The following SLC27A4 variants were observed in gnomAD, a reference collection of about 807,000 sequenced individuals.
The protein encoded by SLC27A4 is long-chain fatty acid transport protein 4.
SLC27A4 carries 33 observed loss-of-function variants against 64.4 expected under a neutral mutation model. The ratio of observed to expected loss-of-function variants is 0.51; its 90% CI spans 0.39 to 0.68. SLC27A4 has a LOEUF of 0.68. Ranked by LOEUF, SLC27A4 falls within the 30% of genes least tolerant of loss-of-function variation. The pLI, the probability that SLC27A4 is intolerant of heterozygous loss-of-function variation, is 0.00. For synonymous variants in SLC27A4, 377 were observed against 370.0 expected, an observed-to-expected ratio of 1.02 and a Z score of -0.22; for missense variants, 824 against 883.5, an observed-to-expected ratio of 0.93 and a Z score of 0.85.
At chr9:128,341,010 C>T (rs927348008) in intron 1 of SLC27A4, among the ~76,000 whole-genome samples, 172 bp downstream of exon 1, 1 of 152,254 alleles carries the variant, frequency 6.6e-6, no homozygotes, top group African/African-American at 2.4e-5. Flanking sequence ...TGACCCGGGA[C>T]AGGGGCCCGA....
intron 4 of SLC27A4, 125 bp downstream of exon 4, chr9:128,348,828 C>G: frequency 1.0e-6 from 1 of 969,434 alleles, no homozygotes. Flanking sequence ...ACGTCACCTC[C>G]CTTTTTCCAT....
In SLC27A4 at chr9:128,355,131, CCAA is replaced by C. The variant is rs775182777; in HGVS notation, c.1410_1412del (p.Asn470del). On this transcript the variant is annotated inframe_deletion, in exon 10 of 13. Transcript: ENST00000300456. ...TTCGATGGCTACCTCAACCAGGGCGCCAACAACAAGAAGATTGCCAAGGATGTC... is the reference window on the plus strand; with the variant it reads ...TTCGATGGCTACCTCAACCAGGGCGCCAACAAGAAGATTGCCAAGGATGTC... 110 of 1,613,544 alleles carry C rather than the reference CCAA, an allele frequency of 6.8e-5. No individual in the cohort carries two copies. The Admixed American group carries it at 1.8e-3, about 26-fold the overall frequency.
chr9:128,354,797 A>T (rs973027768), intron 9 of SLC27A4, among the ~76,000 whole-genome samples: 1 of 151,536 alleles, frequency 6.6e-6, no homozygotes, highest in African/African-American at 2.4e-5. Flanking sequence ...AAAATAAAAA[A>T]AAAAAATTAG....
Position 128,340,752 on chromosome 9 carries a change from AG to A in SLC27A4, c.-89del. On this transcript the variant is annotated 5_prime_UTR_variant, in exon 1 of 13. Transcript: ENST00000300456. ...TGCTGAGACCCGGCTCCGTGCGTCCAGGGGCGGCTAATGCCCCTCACGCTGT... is the reference window on the plus strand; with the variant it reads ...TGCTGAGACCCGGCTCCGTGCGTCCAGGGCGGCTAATGCCCCTCACGCTGT... The A allele has an allele frequency of 6.0e-6, 4 of 661,534 alleles. No homozygotes were observed. The highest frequency in any genetic ancestry group is 8.4e-6 in the Non-Finnish European group (3 of 359,206). 41.0% of individuals were successfully genotyped at this position (661,534 alleles called of 1,614,324 possible). A position where few individuals can be genotyped will look rare whatever the true frequency, so the allele number is the denominator to read the frequency against.
Position 128,344,799 on chromosome 9 carries a change from G to A in SLC27A4, c.162-356G>A, listed in dbSNP as rs557950664. Among the ~76,000 whole-genome samples the A allele has an allele frequency of 1.3e-3, 194 of 152,264 alleles. 1 individual carries two copies. The highest frequency in any genetic ancestry group is 6.8e-3 in the Middle Eastern group (2 of 294). ...TACAGGAAGCTCTGGAGACCTAGGA[G>A]GTTTCTGCTGGAGCAGCAGGCTGAG... On this transcript the variant is annotated intron_variant, in intron 2 of 12. Coordinates refer to ENST00000300456, the MANE Select transcript of SLC27A4 (RefSeq NM_005094.4).
intron 12 of SLC27A4, among the ~76,000 whole-genome samples, chr9:128,357,806 A>T (rs1158321837): frequency 6.6e-6 from 1 of 152,104 alleles, no homozygotes; most frequent in African/African-American, 2.4e-5. Flanking sequence ...CGTTGTCGTC[A>T]TATCAGTCCT....
At chr9:128,341,940 T>C (rs1832578744) in intron 1 of SLC27A4, among the ~76,000 whole-genome samples, 1 of 152,148 alleles carries the variant, frequency 6.6e-6, no homozygotes, top group African/African-American at 2.4e-5. Context: ...GGTTTCACCA[T>C]CTTGGTCAGG....
Position 128,353,779 on chromosome 9 carries a change from T to C in SLC27A4, c.1324+238T>C, listed in dbSNP as rs1832776000. Among the ~76,000 whole-genome samples the C allele has an allele frequency of 6.6e-6, 1 of 150,562 alleles. No homozygotes were observed. Among genetic ancestry groups the C allele is most frequent in the Non-Finnish European group, 1.5e-5 (1 of 67,892 alleles). ...TTTTATTTGAGACGGAGTCTCGCTCTGTCGCCCAGGCTGGAGTGCAGTGGC... is the reference window on the plus strand; with the variant it reads ...TTTTATTTGAGACGGAGTCTCGCTCCGTCGCCCAGGCTGGAGTGCAGTGGC... On this transcript the variant is annotated intron_variant, in intron 9 of 12. Transcript: ENST00000300456. The surrounding 1 kb of genome is among the most constrained non-coding windows in gnomAD (Gnocchi z 4.9).
intron 12 of SLC27A4, among the ~76,000 whole-genome samples, chr9:128,357,177 A>C (rs1832832425): frequency 1.3e-5 from 2 of 148,718 alleles, no homozygotes; most frequent in African/African-American, 5.0e-5. Context: ...CATGAGAAGC[A>C]CTTGAACCTG....
intron 12 of SLC27A4, among the ~76,000 whole-genome samples, chr9:128,358,840 G>A (rs1475185214): frequency 6.6e-6 from 1 of 152,184 alleles, no homozygotes; most frequent in Non-Finnish European, 1.5e-5. Context: ...TCTGCTCCAC[G>A]TGGCCTCTCA....
At position 128,355,667 on chromosome 9, in the gene SLC27A4, G is replaced by A. The variant is rs1832809026; in HGVS notation, c.1645G>A (p.Gly549Arg). 5.0e-6 allele frequency: 8 copies of A among 1,611,580 alleles called. No homozygotes were observed. The highest frequency in any genetic ancestry group is 1.6e-4 in the Middle Eastern group (1 of 6,062). The change falls in exon 12 of 13, where the codon GGA (glycine) becomes AGA (arginine). Residue 549 changes from glycine to arginine, a missense_variant. By Grantham distance (125) the Gly-to-Arg change is moderately radical. Coordinates refer to ENST00000300456, the MANE Select transcript of SLC27A4 (RefSeq NM_005094.4). ...VEVPGTEGRA[G>R]MAAVASPTGN... is the part of the protein sequence containing the mutation. The stretch of plus-strand genomic sequence containing the variant: ...ACCCCCAGGAACCGAGGGCCGGGCC[G>A]GAATGGCTGCTGTGGCCAGCCCCAC...
At position 128,353,520 on chromosome 9, in the gene SLC27A4, G is replaced by A. The variant is rs148488076; in HGVS notation, c.1303G>A (p.Val435Ile). The change falls in exon 9 of 13, where the codon GTC becomes ATC. Residue 435 changes from valine to isoleucine, a missense_variant. Val to Ile is a conservative substitution (Grantham distance 29, BLOSUM62 3). Transcript: ENST00000300456. The surrounding 1 kb of genome is among the most constrained non-coding windows in gnomAD (Gnocchi z 4.9). ...GGAGCTGATCCGGGGGCCCGACGGC[G>A]TCTGCATTCCCTGCCAGCCAGGTCT... is the stretch of plus-strand genomic sequence containing the variant. Reference protein sequence around the residue: ...TMELIRGPDGVCIPCQPGEPG... With the variant: ...TMELIRGPDGICIPCQPGEPG... 497 of 1,614,032 alleles carry A rather than the reference G, an allele frequency of 3.1e-4. No individual in the cohort carries two copies. Among genetic ancestry groups the A allele is most frequent in the Non-Finnish European group, 3.8e-4 (445 of 1,180,018 alleles).
At chr9:128,351,092 CGG>C in intron 6 of SLC27A4, among the ~76,000 whole-genome samples, 1 of 147,484 alleles carries the variant, frequency 6.8e-6, no homozygotes, top group Non-Finnish European at 1.5e-5. Flanking sequence ...GACTCTGTCT[CGG>C]AAAAAAAAAA....
chr9:128,351,146 C>G (rs570254653), intron 6 of SLC27A4, among the ~76,000 whole-genome samples: 8 of 152,100 alleles, frequency 5.3e-5, no homozygotes, highest in African/African-American at 1.9e-4. Flanking sequence ...TGCCTGTAGT[C>G]CCAGCTATCT....
rs147659704 is a variant in SLC27A4 at position 128,343,439 on chromosome 9, C to A, written c.161+146C>A. The A allele has an allele frequency of 6.6e-3, 5,926 of 901,188 alleles. 42 individuals carry two copies. Among genetic ancestry groups the A allele is most frequent in the Middle Eastern group, 0.012 (48 of 3,926 alleles). 55.8% of individuals were successfully genotyped at this position (901,188 alleles called of 1,614,324 possible). ...CAGAACAGCAGCCTCTGCTCCACAC[C>A]CGTACCCTGGCAATAGTACCTGGTC... On this transcript the variant is annotated intron_variant, in intron 2 of 12. Coordinates refer to ENST00000300456, the MANE Select transcript of SLC27A4 (RefSeq NM_005094.4).
chr9:128,345,368 G>T lies in SLC27A4; in HGVS notation c.375G>T (p.Ser125=). Residue 125 remains serine (S), a synonymous_variant, in exon 3 of 13, where the codon TCG becomes TCT. Coordinates refer to ENST00000300456, the MANE Select transcript of SLC27A4 (RefSeq NM_005094.4). This position sits in a 1 kb window ranked among gnomAD's most constrained non-coding sequence, Gnocchi z 4.1. ...TCCTGCAGGCCCGGGGCCTGGCCTC[G>T]GGCGATGTGGCTGCCATCTTCATGG... ...ANFLQARGLA[S]GDVAAIFMEN... 1 of 1,613,738 alleles carries T rather than the reference G, an allele frequency of 6.2e-7. No individual in the cohort carries two copies.
rs1564397154 is a variant in SLC27A4, at chr9:128,340,809, C to T, written c.-36C>T. On this transcript the variant is annotated 5_prime_UTR_variant, in exon 1 of 13. It adds an upstream start codon to the 5' untranslated region. Coordinates refer to ENST00000300456, the MANE Select transcript of SLC27A4 (RefSeq NM_005094.4). ...CTGCTGCAACCGGGCCGCATCTGGACGGGGCGCCGCGCGGCGGAGCCGACG... is the reference window on the plus strand; with the variant it reads ...CTGCTGCAACCGGGCCGCATCTGGATGGGGCGCCGCGCGGCGGAGCCGACG... 2 of 686,440 alleles carry T rather than the reference C, an allele frequency of 2.9e-6. No homozygotes were observed. The highest frequency in any genetic ancestry group is 1.5e-5 in the South Asian group (1 of 65,220). The allele number at this position is 686,440 out of a possible 1,614,324, so 42.5% of individuals were successfully genotyped here. A position where few individuals can be genotyped will look rare whatever the true frequency, so the allele number is the denominator to read the frequency against.
At chr9:128,354,281 T>C (rs1234478197) in intron 9 of SLC27A4, among the ~76,000 whole-genome samples, 1 of 152,168 alleles carries the variant, frequency 6.6e-6, no homozygotes, top group Non-Finnish European at 1.5e-5. Context: ...CAAATGACCC[T>C]GAGTCCAGGC....
At position 128,343,116 on chromosome 9, in the gene SLC27A4, T is replaced by C; in HGVS notation, c.-6-11T>C. 1 of 1,612,902 alleles carries C rather than the reference T, an allele frequency of 6.2e-7. No individual in the cohort carries two copies. The highest frequency in any genetic ancestry group is 1.1e-5 in the South Asian group (1 of 91,016). On this transcript the variant is annotated splice_polypyrimidine_tract_variant and intron_variant, in intron 1 of 12. Transcript: ENST00000300456. ...GGGTGTTTGGGTCCACTAACTGCCCTGTGTCCGCAGGCCACAATGCTGCTT... is the reference window on the plus strand; with the variant it reads ...GGGTGTTTGGGTCCACTAACTGCCCCGTGTCCGCAGGCCACAATGCTGCTT...
Sources: allele counts gnomAD v4.1 joint callset (sites outside exome capture counted in the v4.1 genomes callset), GRCh38; gene constraint gnomAD v4.1.1; non-coding constraint Gnocchi (gnomAD v3.1); transcripts MANE v1.5; gene names NCBI Gene and HGNC (gene_info 2026-07-23, HGNC 2026-07-21).